RGL3: variants seen among roughly 807,000 people sequenced by gnomAD.
RGL3 encodes the protein ral guanine nucleotide dissociation stimulator-like 3.
A neutral mutation model predicts 90.6 loss-of-function variants in RGL3; 85 were observed. The observed-to-expected ratio is 0.94, with a 90% confidence interval of 0.79 to 1.12. The LOEUF (loss-of-function observed/expected upper bound fraction) is 1.12, where lower values mean the gene tolerates loss of function less well. RGL3 is among the 50% of genes most tolerant of loss of function. RGL3 has a pLI of 0.00. For synonymous variants in RGL3, 408 were observed against 385.5 expected (o/e 1.06, Z -0.68); for missense variants, 1,034 against 939.2 (o/e 1.10, Z -1.32).
chr19:11,410,552 C>T (rs951141844), intron 5 of RGL3, among the ~76,000 whole-genome samples: 4 of 151,820 alleles, frequency 2.6e-5, no homozygotes, highest in Non-Finnish European at 4.4e-5. Flanking sequence ...CATCCTGATG[C>T]ACACCTGCTG....
In RGL3 at chr19:11,405,183, C is replaced by T. The variant is rs57743259; in HGVS notation, c.1149G>A (p.Glu383=). ...FRKLSQIFSD[E]NNHLSSREIL... ...TCTCTCTGCTGCTGAGGTGGTTGTT[C>T]TCATCGGAGAAAATCTGCGAAAGTT... Residue 383 remains glutamate (E), a synonymous_variant, in exon 9 of 19, where the codon GAG becomes GAA. Coordinates refer to ENST00000380456, the MANE Select transcript of RGL3 (RefSeq NM_001035223.4). The T allele has an allele frequency of 1.2e-6, 2 of 1,614,134 alleles. No homozygotes were observed. The highest frequency in any genetic ancestry group is 1.7e-6 in the Non-Finnish European group (2 of 1,180,010).
chr19:11,418,792 C>T lies in RGL3; in HGVS notation c.34-8G>A. The T allele has an allele frequency of 6.5e-7, 1 of 1,537,792 alleles. No homozygotes were observed. Among genetic ancestry groups the T allele is most frequent in the Admixed American group, 2.0e-5 (1 of 50,668 alleles). On this transcript the variant is annotated splice_polypyrimidine_tract_variant and splice_region_variant and intron_variant, in intron 1 of 18. Coordinates refer to ENST00000380456, the MANE Select transcript of RGL3 (RefSeq NM_001035223.4). ...CCAGTCCTGCAGCGGTGCCTGGACG[C>T]ACAGGCGGACTCAGGGCACCAAAGG...
At chr19:11,406,378 A>G (rs1209962536) in intron 7 of RGL3, 41 bp downstream of exon 7, 8 of 1,509,030 alleles carry the variant, frequency 5.3e-6, no homozygotes, top group Non-Finnish European at 7.1e-6. Context: ...CCCTTGCCCC[A>G]GGGCCCGCCC....
chr19:11,417,158 G>GTTTTT, intron 2 of RGL3, 99 bp from the exon 3 acceptor site: 1 of 617,546 alleles, frequency 1.6e-6, no homozygotes, highest in Non-Finnish European at 2.4e-6. Context: ...TTTTTTTTTT[G>GTTTTT]TTTTTTTTTT....
In RGL3 at chr19:11,396,065, T is replaced by C. The variant is rs570090376; in HGVS notation, c.2014+1179A>G. Among the ~76,000 whole-genome samples, 12 of 133,348 alleles carry C rather than the reference T, an allele frequency of 9.0e-5. No individual in the cohort carries two copies. In the East Asian group the frequency reaches 2.2e-3, roughly 24 times the overall value. 87.5% of individuals were successfully genotyped at this position (133,348 alleles called of 152,430 possible). A position where few individuals can be genotyped will look rare whatever the true frequency, so the allele number is the denominator to read the frequency against. Reference sequence around the variant, plus strand: ...ACCTCAGCCTCCCCAGTAGTTGGAGTTGGGAATACAGGCACATGCCACCAT... The same window carrying C: ...ACCTCAGCCTCCCCAGTAGTTGGAGCTGGGAATACAGGCACATGCCACCAT... On this transcript the variant is annotated intron_variant, in intron 18 of 18. Coordinates refer to ENST00000380456, the MANE Select transcript of RGL3 (RefSeq NM_001035223.4).
At chr19:11,414,506 T>TATATACACCTTC in intron 5 of RGL3, among the ~76,000 whole-genome samples, 4 of 109,402 alleles carry the variant, frequency 3.7e-5, no homozygotes, top group African/African-American at 1.2e-4. Context: ...TATATATATA[T>TATATACACCTTC]ATATATATAT....
At chr19:11,397,968 T>C (rs398056) in intron 16 of RGL3, among the ~76,000 whole-genome samples, 23,508 of 151,816 alleles carry the variant, frequency 0.15, 2,933 homozygotes, top group African/African-American at 0.35. Context: ...AAGATCACGC[T>C]ACTGCACTCC....
Position 11,394,399 on chromosome 19 carries a change from G to T in RGL3, c.*3C>A. ...TGTGTCTTGTGGAGAGGACAGGGCTGCCTCAGCTTGGGGAGACAGACAGAG... is the reference window on the plus strand; with the variant it reads ...TGTGTCTTGTGGAGAGGACAGGGCTTCCTCAGCTTGGGGAGACAGACAGAG... On this transcript the variant is annotated 3_prime_UTR_variant, in exon 19 of 19. Coordinates refer to ENST00000380456, the MANE Select transcript of RGL3 (RefSeq NM_001035223.4). The T allele has an allele frequency of 6.2e-7, 1 of 1,608,870 alleles. No homozygotes were observed. Among genetic ancestry groups the T allele is most frequent in the East Asian group, 2.2e-5 (1 of 44,856 alleles).
At chr19:11,413,170 A>C (rs561597829) in intron 5 of RGL3, among the ~76,000 whole-genome samples, 5 of 150,870 alleles carry the variant, frequency 3.3e-5, no homozygotes, top group Non-Finnish European at 7.4e-5. Context: ...GAGCACTCAA[A>C]ATGTGGGTAG....
chr19:11,406,912 G>A (rs1014746510), intron 5 of RGL3, 48 bp from the exon 6 acceptor site: 2 of 1,573,496 alleles, frequency 1.3e-6, no homozygotes, highest in Admixed American at 1.8e-5. Context: ...ATCCAAGACT[G>A]GCTGTGTGAC....
chr19:11,397,912 G>C (rs568734059), intron 16 of RGL3: 1 of 189,246 alleles, frequency 5.3e-6, no homozygotes, highest in South Asian at 1.5e-4. Flanking sequence ...GGGAGGCCGA[G>C]GCAGGAGAAT....
At chr19:11,410,703 A>G (rs1023729868) in intron 5 of RGL3, among the ~76,000 whole-genome samples, 1 of 152,014 alleles carries the variant, frequency 6.6e-6, no homozygotes, top group Non-Finnish European at 1.5e-5. Context: ...CCCCAAAAAA[A>G]AGTGGGCCCT....
Position 11,400,024 on chromosome 19 carries a change from C to T in RGL3, c.1649+16G>A, listed in dbSNP as rs765170967. 7 of 1,602,962 alleles carry T rather than the reference C, an allele frequency of 4.4e-6. No homozygotes were observed. The highest frequency in any genetic ancestry group is 4.5e-5 in the East Asian group (2 of 44,332). On this transcript the variant is annotated intron_variant, in intron 15 of 18. Transcript: ENST00000380456. The stretch of plus-strand genomic sequence containing the variant: ...ATCCCATGATCCCCAGTCCCATCAC[C>T]AAGCAGAATGCTCACCTGGAGGTGG...
At chr19:11,406,934 C>A (rs1968794772) in intron 5 of RGL3, 70 bp from the exon 6 acceptor site, 1 of 1,458,894 alleles carries the variant, frequency 6.9e-7, no homozygotes, top group African/African-American at 1.4e-5. Flanking sequence ...TTGGGTGAGT[C>A]CCTGTCCCTC....
In RGL3 at chr19:11,402,184, C is replaced by T. The variant is rs767138095; in HGVS notation, c.1362+31G>A. 7 of 1,607,170 alleles carry T rather than the reference C, an allele frequency of 4.4e-6. No individual in the cohort carries two copies. The South Asian group carries it at 7.7e-5, about 18-fold the overall frequency. On this transcript the variant is annotated intron_variant, in intron 12 of 18. Coordinates refer to ENST00000380456, the MANE Select transcript of RGL3 (RefSeq NM_001035223.4). ...CCCCTGCCCCACCCCCACCCTCAGG[C>T]ACCACCACACCCACTGTAGCCTCCA...
At chr19:11,397,155 G>A (rs950337726) in intron 18 of RGL3, 89 bp downstream of exon 18, 91 of 1,073,256 alleles carry the variant, frequency 8.5e-5, no homozygotes, top group Middle Eastern at 4.1e-4. Context: ...CTGTGAACCC[G>A]GGTAACCTTG....
chr19:11,397,574 G>A lies in RGL3; in HGVS notation c.1770C>T (p.Pro590=). The stretch of plus-strand genomic sequence containing the variant: ...GAGGCAAAGCGAAGGGCCGGGGGCT[G>A]GGCAGGTCCAGGCTCAGGGGCAGCT... ...STKLPLSLDL[P]SPRPFALPLG... is the part of the protein sequence containing the mutation. Residue 590 remains proline (P), a synonymous_variant, in exon 17 of 19, where the codon CCC becomes CCT. Transcript: ENST00000380456. 6.3e-7 allele frequency: 1 copy of A among 1,580,826 alleles called. No individual in the cohort carries two copies. Among genetic ancestry groups the A allele is most frequent in the Non-Finnish European group, 8.6e-7 (1 of 1,162,452 alleles).
intron 7 of RGL3, 63 bp downstream of exon 7, chr19:11,406,356 C>T (rs148948303): frequency 0.044 from 63,989 of 1,441,426 alleles, 1,633 homozygotes; most frequent in Non-Finnish European, 0.051. Flanking sequence ...TCTCCGGAGC[C>T]CTCATTTTTT....
intron 5 of RGL3, 66 bp downstream of exon 5, chr19:11,415,871 C>T (rs188680277): frequency 8.7e-6 from 12 of 1,381,640 alleles, no homozygotes; most frequent in Admixed American, 2.2e-5. Flanking sequence ...GGAGAGAAAG[C>T]CTGTGTGGGA....
Sources: gnomAD v4.1 joint callset for allele counts (sites outside exome capture counted in the v4.1 genomes callset) on GRCh38, gnomAD v4.1.1 for gene constraint, MANE v1.5 for transcripts, NCBI Gene and HGNC (gene_info 2026-07-23, HGNC 2026-07-21) for gene names.